Variants in VSNL1 observed in about 807,000 individuals in gnomAD.
VSNL1 encodes the protein visinin like 1.
VSNL1 carries 6 observed loss-of-function variants against 20.4 expected under a neutral mutation model. The observed-to-expected ratio is 0.29, with a 90% CI of 0.16 to 0.58. The LOEUF is 0.58. Ranked by LOEUF, VSNL1 falls within the 20% of genes least tolerant of loss-of-function variation. The probability of loss-of-function intolerance (pLI) is 0.90; values close to 1 mark genes in which losing one functional copy is unlikely to be tolerated. For missense variants in VSNL1, 100 were observed against 234.5 expected, an observed-to-expected ratio of 0.43 and a Z score of 3.75; for synonymous variants, 93 against 86.4, an observed-to-expected ratio of 1.08 and a Z score of -0.42.
chr2:17,579,886 C>T (rs900109215), intron 1 of VSNL1, among the ~76,000 whole-genome samples: 2 of 152,164 alleles, frequency 1.3e-5, no homozygotes, highest in African/African-American at 2.4e-5. Flanking sequence ...TTCTTAGGCT[C>T]ATTCTATTTA....
rs773757438 is a variant in VSNL1, at chr2:17,641,872, T to C, written c.163-7538T>C. On this transcript the variant is annotated intron_variant, in intron 2 of 3. Coordinates refer to ENST00000295156, the MANE Select transcript of VSNL1 (RefSeq NM_003385.5). ...AAGAGAGAGATTCACCCTTCGAAGT[T>C]TGATCCTGTAATTAGGACATTAGAT... 1.9e-4 allele frequency among the ~76,000 whole-genome samples: 29 copies of C among 152,338 alleles called. 1 individual carries two copies. Among genetic ancestry groups the C allele is most frequent in the Middle Eastern group, 3.4e-3 (1 of 294 alleles).
At chr2:17,543,736 T>C (rs1187167332) in intron 1 of VSNL1, among the ~76,000 whole-genome samples, 1 of 152,216 alleles carries the variant, frequency 6.6e-6, no homozygotes, top group Non-Finnish European at 1.5e-5. Flanking sequence ...ATCTTTTGTT[T>C]TATTCTTTCG....
At chr2:17,548,712 G>C (rs1406985997) in intron 1 of VSNL1, among the ~76,000 whole-genome samples, 1 of 152,042 alleles carries the variant, frequency 6.6e-6, no homozygotes, top group Non-Finnish European at 1.5e-5. Flanking sequence ...TAGTGTTCTA[G>C]GTGTCCTGCT....
At chr2:17,566,210 T>TAA (rs1276311446) in intron 1 of VSNL1, among the ~76,000 whole-genome samples, 1 of 152,208 alleles carries the variant, frequency 6.6e-6, no homozygotes, top group African/African-American at 2.4e-5. Flanking sequence ...ATTACAAAGT[T>TAA]AGAGTGTACA....
chr2:17,548,987 G>A (rs1663463155), intron 1 of VSNL1, among the ~76,000 whole-genome samples: 1 of 152,164 alleles, frequency 6.6e-6, no homozygotes, highest in African/African-American at 2.4e-5. Context: ...ATTCTGTGGT[G>A]CTCTTCATAA....
chr2:17,627,565 T>C (rs754291434), intron 2 of VSNL1, among the ~76,000 whole-genome samples: 15 of 152,112 alleles, frequency 9.9e-5, no homozygotes, highest in South Asian at 8.3e-4. Context: ...GGAATGTTGA[T>C]TGGTTAGCTC....
At chr2:17,551,953 C>G (rs1663548030) in intron 1 of VSNL1, among the ~76,000 whole-genome samples, 1 of 147,756 alleles carries the variant, frequency 6.8e-6, no homozygotes, top group African/African-American at 2.5e-5. Context: ...AATCCCAGCA[C>G]TTTGGGAGGC....
intron 2 of VSNL1, among the ~76,000 whole-genome samples, chr2:17,601,001 C>A (rs1399162849): frequency 6.6e-6 from 1 of 152,212 alleles, no homozygotes; most frequent in Non-Finnish European, 1.5e-5. Context: ...TGATAACCTT[C>A]CCCTGTCTCC....
intron 2 of VSNL1, among the ~76,000 whole-genome samples, chr2:17,630,679 G>A (rs16983739): frequency 0.024 from 3,693 of 152,304 alleles, 157 homozygotes; most frequent in African/African-American, 0.084. Flanking sequence ...ATACTATGCC[G>A]TTAACAGAGG....
chr2:17,576,940 T>A (rs917997555), intron 1 of VSNL1, among the ~76,000 whole-genome samples: 7 of 152,352 alleles, frequency 4.6e-5, no homozygotes, highest in South Asian at 2.1e-4. Flanking sequence ...ATGCATCACT[T>A]AATGACAGAA....
intron 2 of VSNL1, among the ~76,000 whole-genome samples, chr2:17,606,698 C>A (rs1242006300): frequency 6.6e-6 from 1 of 152,150 alleles, no homozygotes; most frequent in Non-Finnish European, 1.5e-5. Context: ...TTAAATGAGA[C>A]ACCAGACACT....
At chr2:17,594,812 C>CT (rs1056028594) in intron 2 of VSNL1, among the ~76,000 whole-genome samples, 1 of 152,244 alleles carries the variant, frequency 6.6e-6, no homozygotes, top group African/African-American at 2.4e-5. Context: ...AGTGGCTCCG[C>CT]TGCAAGGCCA....
At chr2:17,579,753 C>G (rs1306250492) in intron 1 of VSNL1, among the ~76,000 whole-genome samples, 1 of 151,934 alleles carries the variant, frequency 6.6e-6, no homozygotes, top group Non-Finnish European at 1.5e-5. Flanking sequence ...TTTGGGAGGG[C>G]CCTGGGATGA....
intron 2 of VSNL1, among the ~76,000 whole-genome samples, chr2:17,593,340 TA>T (rs1246274923): frequency 6.6e-6 from 1 of 152,190 alleles, no homozygotes; most frequent in African/African-American, 2.4e-5. Flanking sequence ...TATAACATTA[TA>T]TAGCAGTCAA....
intron 2 of VSNL1, among the ~76,000 whole-genome samples, chr2:17,647,242 T>A (rs1237849769): frequency 6.6e-6 from 1 of 152,150 alleles, no homozygotes; most frequent in Non-Finnish European, 1.5e-5. Flanking sequence ...CTGTGAGACA[T>A]AAGATAGTTA....
chr2:17,595,342 G>C (rs1358448271), intron 2 of VSNL1, among the ~76,000 whole-genome samples: 1 of 152,178 alleles, frequency 6.6e-6, no homozygotes, highest in Non-Finnish European at 1.5e-5. Flanking sequence ...CTGCCCTCCC[G>C]AATTTCACAG....
chr2:17,560,575 A>G (rs1663789663), intron 1 of VSNL1, among the ~76,000 whole-genome samples: 1 of 152,152 alleles, frequency 6.6e-6, no homozygotes, highest in Non-Finnish European at 1.5e-5. Flanking sequence ...CCATTTAGAA[A>G]CAAGTGAATC....
chr2:17,556,734 A>G (rs1312619178), intron 1 of VSNL1, among the ~76,000 whole-genome samples: 1 of 152,150 alleles, frequency 6.6e-6, no homozygotes, highest in East Asian at 1.9e-4. Flanking sequence ...GTAGTTCACC[A>G]GGGTATTATT....
At chr2:17,575,704 T>C (rs1175862242) in intron 1 of VSNL1, among the ~76,000 whole-genome samples, 1 of 151,816 alleles carries the variant, frequency 6.6e-6, no homozygotes, top group Non-Finnish European at 1.5e-5. Context: ...CCCGGCTAAT[T>C]TTTTGTATTT....
Sources: allele counts gnomAD v4.1 joint callset (sites outside exome capture counted in the v4.1 genomes callset), GRCh38; gene constraint gnomAD v4.1.1; transcripts MANE v1.5; gene names NCBI Gene and HGNC (gene_info 2026-07-23, HGNC 2026-07-21).